Variants in GRAMD2B observed in about 807,000 individuals in gnomAD.
GRAMD2B encodes the protein GRAM domain-containing protein 2B.
Under a neutral mutation model 59.2 loss-of-function variants are expected in GRAMD2B, and 41 were observed. The ratio of observed to expected loss-of-function variants is 0.69; its 90% CI spans 0.54 to 0.90. The LOEUF is 0.90. GRAMD2B is among the 40% of genes least tolerant of loss of function. The pLI, the probability that GRAMD2B is intolerant of heterozygous loss-of-function variation, is 0.00. For synonymous variants in GRAMD2B, 161 were observed against 182.7 expected (o/e 0.88, Z 0.96); for missense variants, 424 against 500.5 (o/e 0.85, Z 1.46).
At chr5:126,464,674 C>T (rs942044356) in intron 1 of GRAMD2B, among the ~76,000 whole-genome samples, 1 of 152,168 alleles carries the variant, frequency 6.6e-6, no homozygotes, top group Admixed American at 6.5e-5. Context: ...TCCTAGACCC[C>T]GTGGTTAAGA....
intron 1 of GRAMD2B, among the ~76,000 whole-genome samples, chr5:126,415,508 C>T (rs1759195637): frequency 6.6e-6 from 1 of 151,716 alleles, no homozygotes. Flanking sequence ...GGAAGGAAGC[C>T]AGGAAGGAAG....
chr5:126,449,978 T>C (rs377542174), intron 1 of GRAMD2B, among the ~76,000 whole-genome samples: 2 of 152,182 alleles, frequency 1.3e-5, no homozygotes, highest in African/African-American at 4.8e-5. Flanking sequence ...TGGAACTATT[T>C]TGGACTCCCG....
chr5:126,423,191 A>C, upstream of GRAMD2B: 23 of 1,010,030 alleles, frequency 2.3e-5, no homozygotes, highest in Non-Finnish European at 2.5e-5. Context: ...TACAGTCGGG[A>C]TAGAAAACAA....
intron 1 of GRAMD2B, among the ~76,000 whole-genome samples, chr5:126,440,764 T>C (rs1581005240): frequency 6.6e-6 from 1 of 152,132 alleles, no homozygotes; most frequent in African/African-American, 2.4e-5. Flanking sequence ...TTGTGTGACA[T>C]AATAAAATAA....
chr5:126,379,965 G>A (rs1369902076), intron 1 of GRAMD2B, among the ~76,000 whole-genome samples: 1 of 152,174 alleles, frequency 6.6e-6, no homozygotes, highest in Non-Finnish European at 1.5e-5. Context: ...TGGGTTCTTA[G>A]TCATGAAGCC....
chr5:126,421,112 G>C (rs1759681683), upstream of GRAMD2B, among the ~76,000 whole-genome samples: 1 of 152,198 alleles, frequency 6.6e-6, no homozygotes, highest in African/African-American at 2.4e-5. Context: ...ATTGTTTAAT[G>C]TATTTAATGG....
chr5:126,436,503 T>C (rs1421595033), intron 1 of GRAMD2B, among the ~76,000 whole-genome samples: 1 of 152,014 alleles, frequency 6.6e-6, no homozygotes, highest in African/African-American at 2.4e-5. Flanking sequence ...AATATAGAAA[T>C]TAGACGGGTG....
chr5:126,417,759 T>C (rs746277425), intron 1 of GRAMD2B, among the ~76,000 whole-genome samples: 3 of 152,244 alleles, frequency 2.0e-5, no homozygotes, highest in Non-Finnish European at 4.4e-5. Flanking sequence ...CTGAAGGTCC[T>C]TGGGCTTTCT....
intron 1 of GRAMD2B, among the ~76,000 whole-genome samples, chr5:126,433,117 A>G (rs1313934190): frequency 6.6e-6 from 1 of 152,252 alleles, no homozygotes; most frequent in East Asian, 1.9e-4. Context: ...ATCTTCTTTC[A>G]AAGAAGAAAC....
In GRAMD2B at chr5:126,423,556, G is replaced by A; in HGVS notation, c.-51G>A. The A allele has an allele frequency of 1.3e-6, 2 of 1,588,716 alleles. No individual in the cohort carries two copies. Among genetic ancestry groups the A allele is most frequent in the Non-Finnish European group, 1.7e-6 (2 of 1,168,750 alleles). On this transcript the variant is annotated 5_prime_UTR_variant, in exon 1 of 14. Transcript: ENST00000285689. ...GGACCTAGAAGCCGGGACGAGCCGGGGCAGAGCCAGGCGCGCGGAAGTCTG... is the reference window on the plus strand; with the variant it reads ...GGACCTAGAAGCCGGGACGAGCCGGAGCAGAGCCAGGCGCGCGGAAGTCTG...
At chr5:126,490,906 C>T (rs1773809528) in intron 13 of GRAMD2B, among the ~76,000 whole-genome samples, 1 of 152,192 alleles carries the variant, frequency 6.6e-6, no homozygotes, top group African/African-American at 2.4e-5. Flanking sequence ...TCCCTCTTTC[C>T]ACCTGCCACT....
intron 13 of GRAMD2B, among the ~76,000 whole-genome samples, chr5:126,490,752 A>G (rs1173820229): frequency 6.6e-6 from 1 of 152,128 alleles, no homozygotes. Context: ...TATACTCCAT[A>G]CCAGCAATTC....
At chr5:126,462,029 A>G (rs1003185509) in intron 1 of GRAMD2B, among the ~76,000 whole-genome samples, 9 of 152,136 alleles carry the variant, frequency 5.9e-5, no homozygotes, top group African/African-American at 1.9e-4. Flanking sequence ...TTCTGTGGAT[A>G]CTTACACCTG....
At position 126,423,564 on chromosome 5, in the gene GRAMD2B, C is replaced by CAGGCGCGCGGAAGTCTGA. The variant is rs1335450634; in HGVS notation, c.-39_-22dup. 3.1e-5 allele frequency: 49 copies of CAGGCGCGCGGAAGTCTGA among 1,595,606 alleles called. No homozygotes were observed. Among genetic ancestry groups the CAGGCGCGCGGAAGTCTGA allele is most frequent in the Non-Finnish European group, 4.0e-5 (47 of 1,172,118 alleles). ...AAGCCGGGACGAGCCGGGGCAGAGCCAGGCGCGCGGAAGTCTGAAGGTGCC... is the reference window on the plus strand; with the variant it reads ...AAGCCGGGACGAGCCGGGGCAGAGCCAGGCGCGCGGAAGTCTGAAGGCGCGCGGAAGTCTGAAGGTGCC... On this transcript the variant is annotated 5_prime_UTR_variant, in exon 1 of 14. Transcript: ENST00000285689.
chr5:126,368,581 T>C (rs781776524), upstream of GRAMD2B, among the ~76,000 whole-genome samples: 4 of 152,158 alleles, frequency 2.6e-5, no homozygotes, highest in Admixed American at 6.5e-5. Context: ...CCCACCAGAA[T>C]CTGTTGTGTT....
chr5:126,483,606 T>TTAA (rs1313623598), intron 9 of GRAMD2B, 32 bp downstream of exon 9: 1 of 1,265,028 alleles, frequency 7.9e-7, no homozygotes, highest in Admixed American at 1.7e-5. Flanking sequence ...TGACTAAAAT[T>TTAA]TAATTCCCCT....
At chr5:126,421,206 C>G (rs1447324969), upstream of GRAMD2B, among the ~76,000 whole-genome samples, 1 of 152,132 alleles carries the variant, frequency 6.6e-6, no homozygotes, top group Non-Finnish European at 1.5e-5. Flanking sequence ...GTGTTGAATG[C>G]CACTGAATTA....
chr5:126,456,243 C>T (rs992784080), intron 1 of GRAMD2B, among the ~76,000 whole-genome samples: 7 of 152,270 alleles, frequency 4.6e-5, no homozygotes, highest in Middle Eastern at 3.4e-3. Flanking sequence ...CAGGGTCTCA[C>T]TCTGTCACCC....
At chr5:126,482,654 T>G (rs1447741066) in intron 8 of GRAMD2B, among the ~76,000 whole-genome samples, 1 of 152,208 alleles carries the variant, frequency 6.6e-6, no homozygotes. Context: ...TATAAATCCT[T>G]GTATGAAATC....
Sources: gnomAD v4.1 joint callset for allele counts (sites outside exome capture counted in the v4.1 genomes callset) on GRCh38, gnomAD v4.1.1 for gene constraint, MANE v1.5 for transcripts, NCBI Gene and HGNC (gene_info 2026-07-23, HGNC 2026-07-21) for gene names.